REDIC1: variants seen among roughly 807,000 people sequenced by gnomAD.
The protein encoded by REDIC1 is regulator of DNA class I crossover intermediates 1.
chr12:39,696,712 A>AT, the REDIC1 span, among the ~76,000 whole-genome samples: 2 of 152,086 alleles, frequency 1.3e-5, no homozygotes, highest in African/African-American at 4.8e-5. Context: ...TATCAGACAA[A>AT]TTTAACAAAG....
the REDIC1 span, among the ~76,000 whole-genome samples, chr12:39,767,900 G>A: frequency 6.6e-6 from 1 of 152,054 alleles, no homozygotes; most frequent in African/African-American, 2.4e-5. Flanking sequence ...CTTCCTCCAT[G>A]ATTGTAAGTT....
At chr12:39,767,310 TC>T in the REDIC1 span, among the ~76,000 whole-genome samples, 133 of 151,100 alleles carry the variant, frequency 8.8e-4, no homozygotes, top group African/African-American at 2.6e-3. Flanking sequence ...ATCTTTTTTT[TC>T]TTTTCCTGAG....
chr12:39,746,951 G>A, the REDIC1 span, among the ~76,000 whole-genome samples: 1,679 of 152,246 alleles, frequency 0.011, 18 homozygotes, highest in Non-Finnish European at 0.017. Flanking sequence ...AAGACCAAAG[G>A]TAGATAAAAC....
chr12:39,780,411 G>A, the REDIC1 span, among the ~76,000 whole-genome samples: 6 of 152,136 alleles, frequency 3.9e-5, no homozygotes, highest in Non-Finnish European at 7.4e-5. Context: ...TCTCCCCTAA[G>A]TTAGCATTCT....
At chr12:39,893,125 A>G in the REDIC1 span, among the ~76,000 whole-genome samples, 1 of 152,164 alleles carries the variant, frequency 6.6e-6, no homozygotes, top group African/African-American at 2.4e-5. Flanking sequence ...AAATGAAAAA[A>G]CCCAATGAGA....
chr12:39,871,947 G>A, the REDIC1 span: 1 of 1,604,810 alleles, frequency 6.2e-7, no homozygotes, highest in African/African-American at 1.3e-5. Flanking sequence ...CTGCAGAATG[G>A]TTGCACTGTA....
At chr12:39,796,046 CT>C in the REDIC1 span, among the ~76,000 whole-genome samples, 7 of 152,124 alleles carry the variant, frequency 4.6e-5, no homozygotes. Flanking sequence ...CAAACCTCTT[CT>C]CCCCCCAGCC....
At chr12:39,741,982 CA>C in the REDIC1 span, among the ~76,000 whole-genome samples, 7 of 152,178 alleles carry the variant, frequency 4.6e-5, no homozygotes, top group African/African-American at 1.7e-4. Flanking sequence ...CTTATTGCCA[CA>C]AACAGTCTGT....
At chr12:39,744,537 G>T in the REDIC1 span, among the ~76,000 whole-genome samples, 3 of 152,150 alleles carry the variant, frequency 2.0e-5, no homozygotes, top group Non-Finnish European at 2.9e-5. Context: ...TGATATAAGG[G>T]ATGGAAGGGA....
the REDIC1 span, among the ~76,000 whole-genome samples, chr12:39,701,639 T>C: frequency 6.6e-6 from 1 of 152,070 alleles, no homozygotes; most frequent in Non-Finnish European, 1.5e-5. Context: ...AATATACATT[T>C]TTTTCAGCAC....
At chr12:39,671,553 T>C in the REDIC1 span, among the ~76,000 whole-genome samples, 1 of 152,140 alleles carries the variant, frequency 6.6e-6, no homozygotes, top group African/African-American at 2.4e-5. Context: ...GCAGACCAGG[T>C]GGGTGGGTAA....
chr12:39,699,343 G>A, the REDIC1 span, among the ~76,000 whole-genome samples: 3 of 152,176 alleles, frequency 2.0e-5, no homozygotes, highest in Admixed American at 6.5e-5. Context: ...GGTGACAGAC[G>A]GCACCTGGAA....
chr12:39,848,136 A>G, the REDIC1 span, among the ~76,000 whole-genome samples: 1 of 152,198 alleles, frequency 6.6e-6, no homozygotes, highest in Non-Finnish European at 1.5e-5. Flanking sequence ...TTCATGACAA[A>G]GATACCAAAA....
chr12:39,628,294 T>TA, the REDIC1 span, among the ~76,000 whole-genome samples: 343 of 150,944 alleles, frequency 2.3e-3, no homozygotes, highest in Non-Finnish European at 3.6e-3. Context: ...AGATTGGTAA[T>TA]AAAAAAAAAT....
At chr12:39,702,606 C>A in the REDIC1 span, among the ~76,000 whole-genome samples, 2 of 152,082 alleles carry the variant, frequency 1.3e-5, no homozygotes, top group Admixed American at 6.5e-5. Flanking sequence ...CATCCTGATA[C>A]CAAAGCCGGG....
the REDIC1 span, among the ~76,000 whole-genome samples, chr12:39,812,338 T>TTTTCC: frequency 1.7e-4 from 3 of 17,246 alleles, no homozygotes; most frequent in African/African-American, 5.4e-4. Flanking sequence ...CTAATTTCTT[T>TTTTCC]TTTCTTTTCT....
At chr12:39,768,277 GATCGTCT>G in the REDIC1 span, among the ~76,000 whole-genome samples, 1 of 152,102 alleles carries the variant, frequency 6.6e-6, no homozygotes, top group Non-Finnish European at 1.5e-5. Flanking sequence ...TGGCTGGTTT[GATCGTCT>G]ATCCAGACCA....
chr12:39,820,288 C>G, the REDIC1 span, among the ~76,000 whole-genome samples: 3 of 152,134 alleles, frequency 2.0e-5, no homozygotes. Flanking sequence ...GTGAAGGGCA[C>G]TATAATGAAT....
chr12:39,638,111 A>C, the REDIC1 span, among the ~76,000 whole-genome samples: 24 of 152,164 alleles, frequency 1.6e-4, no homozygotes, highest in African/African-American at 5.5e-4. Flanking sequence ...AAACAACAAC[A>C]ACAAAAAACA....
Sources: gnomAD v4.1 joint callset for allele counts (sites outside exome capture counted in the v4.1 genomes callset) on GRCh38, gnomAD v4.1.1 for gene constraint, MANE v1.5 for transcripts, NCBI Gene and HGNC (gene_info 2026-07-23, HGNC 2026-07-21) for gene names.